Variants in PAPOLG observed in about 807,000 individuals in gnomAD.
PAPOLG encodes PAP-gamma.
Under a neutral mutation model 99.0 loss-of-function variants are expected in PAPOLG, and 40 were observed. That is an observed-to-expected ratio of 0.40 (90% CI 0.31 to 0.53). PAPOLG has a LOEUF of 0.53. PAPOLG is among the 20% of genes least tolerant of loss of function. PAPOLG has a pLI of 0.41. For missense variants in PAPOLG, 675 were observed against 884.1 expected (o/e 0.76, Z 3.00); for synonymous variants, 310 against 299.3 (o/e 1.04, Z -0.37).
chr2:60,775,000 GC>G (rs1670974403), intron 7 of PAPOLG, 33 bp from the exon 8 acceptor site: 1 of 1,610,644 alleles, frequency 6.2e-7, no homozygotes, highest in Non-Finnish European at 8.5e-7. Flanking sequence ...AGAATTTGCT[GC>G]ATAGTGAAAA....
chr2:60,764,989 C>CA (rs1235206746), intron 3 of PAPOLG, among the ~76,000 whole-genome samples: 1 of 151,506 alleles, frequency 6.6e-6, no homozygotes, highest in African/African-American at 2.4e-5. Context: ...GACAGGTAGT[C>CA]AAAAAAAATA....
intron 17 of PAPOLG, among the ~76,000 whole-genome samples, chr2:60,793,323 G>A (rs755836299): frequency 6.6e-6 from 1 of 151,838 alleles, no homozygotes; most frequent in Non-Finnish European, 1.5e-5. Flanking sequence ...TTGGGAGGCT[G>A]AGGCAGGAGG....
chr2:60,793,809 G>A, intron 18 of PAPOLG, 94 bp downstream of exon 18: 1 of 1,490,296 alleles, frequency 6.7e-7, no homozygotes, highest in South Asian at 1.3e-5. Flanking sequence ...TACTGGGGAG[G>A]CTAAGGTGGG....
intron 5 of PAPOLG, among the ~76,000 whole-genome samples, chr2:60,769,166 G>A (rs1670773804): frequency 6.6e-6 from 1 of 152,136 alleles, no homozygotes; most frequent in African/African-American, 2.4e-5. Context: ...GTAAAACAGA[G>A]ATGTGGTAAT....
In PAPOLG at chr2:60,775,109, A is replaced by G; in HGVS notation, c.680A>G (p.Lys227Arg). 6.2e-7 allele frequency: 1 copy of G among 1,609,708 alleles called. No homozygotes were observed. The highest frequency in any genetic ancestry group is 8.5e-7 in the Non-Finnish European group (1 of 1,179,000). Reference sequence around the variant, plus strand: ...TTTAGACTCACCCTAAGAGCTGTCAAATTATGGGCAAAACGTAAGTATCCC... The same window carrying G: ...TTTAGACTCACCCTAAGAGCTGTCAGATTATGGGCAAAACGTAAGTATCCC... ...ETFRLTLRAV[K>R]LWAKRRGIYS... Residue 227 changes from lysine (K) to arginine (R), a missense_variant, in exon 8 of 22, where the codon AAA (lysine) becomes AGA (arginine). Coordinates refer to ENST00000238714, the MANE Select transcript of PAPOLG (RefSeq NM_022894.4).
chr2:60,760,384 A>T (rs570655880), intron 2 of PAPOLG, 89 bp downstream of exon 2: 1 of 1,256,542 alleles, frequency 8.0e-7, no homozygotes, highest in South Asian at 1.4e-5. Context: ...GTGTCTCTAG[A>T]TACAGGTGCA....
rs1214796861 is a variant in PAPOLG at position 60,797,512 on chromosome 2, G to A, written c.*352G>A. ...ATAACAAGTCCTGAACTCCTTTTTTGTTTTGTTTTTTGTGTTTTTCTTTTT... is the reference window on the plus strand; with the variant it reads ...ATAACAAGTCCTGAACTCCTTTTTTATTTTGTTTTTTGTGTTTTTCTTTTT... On this transcript the variant is annotated 3_prime_UTR_variant, in exon 22 of 22. Coordinates refer to ENST00000238714, the MANE Select transcript of PAPOLG (RefSeq NM_022894.4). The A allele has an allele frequency of 5.4e-6, 1 of 184,354 alleles. No homozygotes were observed. The highest frequency in any genetic ancestry group is 6.3e-5 in the Admixed American group (1 of 15,912). The allele number at this position is 184,354 out of a possible 1,614,324, so 11.4% of individuals were successfully genotyped here. A position where few individuals can be genotyped will look rare whatever the true frequency, so the allele number is the denominator to read the frequency against.
At position 60,756,478 on chromosome 2, in the gene PAPOLG, G is replaced by A. The variant is rs770295957; in HGVS notation, c.-1G>A. The A allele has an allele frequency of 2.6e-6, 4 of 1,560,552 alleles. No homozygotes were observed. The highest frequency in any genetic ancestry group is 2.7e-5 in the African/African-American group (2 of 73,364). On this transcript the variant is annotated 5_prime_UTR_variant, in exon 1 of 22. Coordinates refer to ENST00000238714, the MANE Select transcript of PAPOLG (RefSeq NM_022894.4). ...CGCTGGAGAGGGAGACGCAGGAAGCGATGAAAGAGATGTCTGCGTAAGTGG... is the reference window on the plus strand; with the variant it reads ...CGCTGGAGAGGGAGACGCAGGAAGCAATGAAAGAGATGTCTGCGTAAGTGG...
At chr2:60,782,631 C>G in intron 11 of PAPOLG, 55 bp from the exon 12 acceptor site, 2 of 1,365,370 alleles carry the variant, frequency 1.5e-6, no homozygotes, top group Non-Finnish European at 1.9e-6. Flanking sequence ...AGAGCTGGTC[C>G]CTTTTCAAAA....
At chr2:60,759,467 T>C (rs934005639) in intron 1 of PAPOLG, among the ~76,000 whole-genome samples, 4 of 152,212 alleles carry the variant, frequency 2.6e-5, no homozygotes, top group Non-Finnish European at 4.4e-5. Context: ...CTCATGTATC[T>C]TCCAAAAGAT....
intron 3 of PAPOLG, among the ~76,000 whole-genome samples, chr2:60,762,967 C>A (rs1300570722): frequency 1.3e-5 from 2 of 150,870 alleles, no homozygotes; most frequent in African/African-American, 4.9e-5. Context: ...TTTTTGGAGA[C>A]AGAGTCTTGC....
chr2:60,770,663 G>T, intron 6 of PAPOLG, 152 bp downstream of exon 6: 1 of 531,542 alleles, frequency 1.9e-6, no homozygotes. Context: ...TAACTCTATG[G>T]CCAAGGCTGG....
chr2:60,780,859 G>A lies in PAPOLG; in HGVS notation c.906+80G>A, dbSNP rs575353122. The A allele has an allele frequency of 1.6e-5, 18 of 1,092,764 alleles. No individual in the cohort carries two copies. In the African/African-American group the frequency reaches 2.6e-4, roughly 16 times the overall value. 67.7% of individuals were successfully genotyped at this position (1,092,764 alleles called of 1,614,324 possible). A position where few individuals can be genotyped will look rare whatever the true frequency, so the allele number is the denominator to read the frequency against. ...CTAAATTACAGTCTAGTTAAAGATA[G>A]TTCCTCTTGTCTCTGTTCTTCCTTC... On this transcript the variant is annotated intron_variant, in intron 10 of 21. Transcript: ENST00000238714.
chr2:60,761,745 G>C lies in PAPOLG; in HGVS notation c.184G>C (p.Val62Leu). The C allele has an allele frequency of 6.2e-7, 1 of 1,602,456 alleles. No homozygotes were observed. Among genetic ancestry groups the C allele is most frequent in the Non-Finnish European group, 8.5e-7 (1 of 1,170,924 alleles). The change falls in exon 3 of 22, where the codon GTG (valine) becomes CTG (leucine). Residue 62 changes from valine to leucine, a missense_variant. Transcript: ENST00000238714. ...CTGAAGCATTTTTTTTTATAGGCTG[G>C]TGGTTCTTGGTAAATTGAACAATTT... ...EDEEELNHRL[V>L]VLGKLNNLVK...
At chr2:60,756,609 G>C in intron 1 of PAPOLG, 114 bp downstream of exon 1, 2 of 1,191,692 alleles carry the variant, frequency 1.7e-6, no homozygotes, top group South Asian at 1.6e-5. Context: ...AGCTCGCCGG[G>C]ATGGTCTCCT....
At chr2:60,773,719 A>G (rs570345726) in intron 7 of PAPOLG, among the ~76,000 whole-genome samples, 91 of 151,440 alleles carry the variant, frequency 6.0e-4, no homozygotes, top group Non-Finnish European at 7.4e-4. Flanking sequence ...AAAAACCAGC[A>G]GTCATTAGTG....
At chr2:60,776,415 T>C (rs1235744415) in intron 8 of PAPOLG, among the ~76,000 whole-genome samples, 1 of 148,884 alleles carries the variant, frequency 6.7e-6, no homozygotes, top group Admixed American at 6.7e-5. Flanking sequence ...GAGCATTGGC[T>C]TCATTTTTTT....
chr2:60,774,368 CT>C (rs765904108), intron 7 of PAPOLG, among the ~76,000 whole-genome samples: 395 of 112,290 alleles, frequency 3.5e-3, no homozygotes, highest in Middle Eastern at 0.011. Flanking sequence ...GAACTAATGT[CT>C]TTTTTTTTTT....
intron 13 of PAPOLG, 35 bp downstream of exon 13, chr2:60,783,244 G>T: frequency 5.2e-6 from 7 of 1,335,944 alleles, no homozygotes; most frequent in Non-Finnish European, 7.2e-6. Context: ...TACCTACTGT[G>T]TGGTGATAGT....
Sources: gnomAD v4.1 joint callset for allele counts (sites outside exome capture counted in the v4.1 genomes callset) on GRCh38, gnomAD v4.1.1 for gene constraint, MANE v1.5 for transcripts, NCBI Gene and HGNC (gene_info 2026-07-23, HGNC 2026-07-21) for gene names.